The following CASS4 variants were observed in gnomAD, a reference collection of about 807,000 sequenced individuals.
The protein encoded by CASS4 is cas scaffolding protein family member 4.
A neutral mutation model predicts 54.2 loss-of-function variants in CASS4; 22 were observed. The observed-to-expected ratio is 0.41, with a 90% CI of 0.29 to 0.58. The LOEUF is 0.58. CASS4 is among the 20% of genes least tolerant of loss of function. The pLI is 0.36. For missense variants in CASS4, 854 were observed against 986.7 expected (o/e 0.87, Z 1.80); for synonymous variants, 409 against 391.5 (o/e 1.04, Z -0.53).
intron 3 of CASS4, among the ~76,000 whole-genome samples, chr20:56,448,985 A>G (rs1004385908): frequency 6.6e-6 from 1 of 152,180 alleles, no homozygotes; most frequent in Non-Finnish European, 1.5e-5. Flanking sequence ...ATGTGGAGAA[A>G]TAGGAACACT....
chr20:56,437,445 T>C lies in CASS4; in HGVS notation c.318T>C (p.Pro106=), dbSNP rs2146281546. 6.2e-7 allele frequency: 1 copy of C among 1,613,576 alleles called. No individual in the cohort carries two copies. The change falls in exon 2 of 6, where the codon CCT becomes CCC. Residue 106 remains proline, a synonymous_variant. Transcript: ENST00000679887. The surrounding 1 kb of genome is among the most constrained non-coding windows in gnomAD (Gnocchi z 4.7). ...ATCAGGTGCCCACTCTACCCCGCCC[T>C]CCCACTCCAGGCCCCGTTTATGAGC... ...ETYQVPTLPR[P]PTPGPVYEQM...
chr20:56,441,150 G>C (rs1039705098), intron 2 of CASS4, among the ~76,000 whole-genome samples: 1 of 149,154 alleles, frequency 6.7e-6, no homozygotes, highest in Non-Finnish European at 1.5e-5. Flanking sequence ...CACCACGCCT[G>C]GCTAAATTTT....
intron 1 of CASS4, among the ~76,000 whole-genome samples, chr20:56,416,723 A>T (rs1318894309): frequency 6.6e-6 from 1 of 152,102 alleles, no homozygotes; most frequent in Non-Finnish European, 1.5e-5. Context: ...TTTTCTGAGA[A>T]TTTCTGATAT....
At chr20:56,440,820 G>A (rs985208518) in intron 2 of CASS4, among the ~76,000 whole-genome samples, 1 of 152,070 alleles carries the variant, frequency 6.6e-6, no homozygotes, top group South Asian at 2.1e-4. Flanking sequence ...GGAAATTCAG[G>A]GGGGGTCCCT....
At chr20:56,422,105 T>C (rs933018624) in intron 1 of CASS4, among the ~76,000 whole-genome samples, 2 of 152,160 alleles carry the variant, frequency 1.3e-5, no homozygotes, top group Admixed American at 6.5e-5. Context: ...AAGGGTGAAA[T>C]TGTCAGCCCC....
rs375037401 is a variant in CASS4 at position 56,429,654 on chromosome 20, G to A, written c.37-7510G>A. On this transcript the variant is annotated intron_variant, in intron 1 of 5. Coordinates refer to ENST00000679887, the MANE Select transcript of CASS4 (RefSeq NM_020356.4). ...TACTCACACACGCCCCCTCACCCACGCACTCCGGCCTCCACACATTCCTCT... is the reference window on the plus strand; with the variant it reads ...TACTCACACACGCCCCCTCACCCACACACTCCGGCCTCCACACATTCCTCT... Among the ~76,000 whole-genome samples the A allele has an allele frequency of 8.6e-5, 13 of 151,624 alleles. No individual in the cohort carries two copies. In the South Asian group the frequency reaches 2.3e-3, roughly 27 times the overall value.
At chr20:56,421,350 G>T (rs1276428614) in intron 1 of CASS4, among the ~76,000 whole-genome samples, 3 of 152,276 alleles carry the variant, frequency 2.0e-5, no homozygotes, top group Admixed American at 1.3e-4. Context: ...AATTGTAGTG[G>T]CACGTGGATA....
chr20:56,458,777 C>T lies in CASS4; in HGVS notation c.*30C>T, dbSNP rs992637097. ...TGTCTACCTCCCTTCCTCCTCTGCT[C>T]ACCTCTCAGCTTCACACCCACAACT... On this transcript the variant is annotated 3_prime_UTR_variant, in exon 6 of 6. Coordinates refer to ENST00000679887, the MANE Select transcript of CASS4 (RefSeq NM_020356.4). 5.2e-6 allele frequency: 8 copies of T among 1,543,358 alleles called. No homozygotes were observed. Among genetic ancestry groups the T allele is most frequent in the Non-Finnish European group, 7.0e-6 (8 of 1,139,716 alleles).
chr20:56,437,082 C>T lies in CASS4; in HGVS notation c.37-82C>T. 3 of 1,220,344 alleles carry T rather than the reference C, an allele frequency of 2.5e-6. No homozygotes were observed. The highest frequency in any genetic ancestry group is 2.3e-6 in the Non-Finnish European group (2 of 875,790). The allele number at this position is 1,220,344 out of a possible 1,614,324, so 75.6% of individuals were successfully genotyped here. ...AAGGGCATGATGAATTTGTATGAAGCTTTCTAAGAGAGTGGGATTGGAGTA... is the reference window on the plus strand; with the variant it reads ...AAGGGCATGATGAATTTGTATGAAGTTTTCTAAGAGAGTGGGATTGGAGTA... On this transcript the variant is annotated intron_variant, in intron 1 of 5. Coordinates refer to ENST00000679887, the MANE Select transcript of CASS4 (RefSeq NM_020356.4). This position sits in a 1 kb window ranked among gnomAD's most constrained non-coding sequence, Gnocchi z 4.7.
At position 56,437,122 on chromosome 20, in the gene CASS4, C is replaced by G. The variant is rs779403276; in HGVS notation, c.37-42C>G. On this transcript the variant is annotated intron_variant, in intron 1 of 5. Transcript: ENST00000679887. This position sits in a 1 kb window ranked among gnomAD's most constrained non-coding sequence, Gnocchi z 4.7. Reference sequence around the variant, plus strand: ...GGATTGGAGTAGCAGTCACTGGCCACGGTGCTAACTGCAAATTCTCTTCTC... The same window carrying G: ...GGATTGGAGTAGCAGTCACTGGCCAGGGTGCTAACTGCAAATTCTCTTCTC... The G allele has an allele frequency of 6.7e-7, 1 of 1,490,236 alleles. No individual in the cohort carries two copies. The highest frequency in any genetic ancestry group is 1.4e-5 in the African/African-American group (1 of 71,164). The allele number at this position is 1,490,236 out of a possible 1,614,324, so 92.3% of individuals were successfully genotyped here.
At chr20:56,443,219 C>G (rs1033892344) in intron 2 of CASS4, among the ~76,000 whole-genome samples, 2 of 151,314 alleles carry the variant, frequency 1.3e-5, no homozygotes, top group Non-Finnish European at 2.9e-5. Flanking sequence ...CGGTGGCTCA[C>G]GCCTGTAATC....
At chr20:56,429,610 A>T (rs181392797) in intron 1 of CASS4, among the ~76,000 whole-genome samples, 1 of 152,042 alleles carries the variant, frequency 6.6e-6, no homozygotes, top group African/African-American at 2.4e-5. Flanking sequence ...CCCCCAACAC[A>T]TACATACACA....
intron 1 of CASS4, among the ~76,000 whole-genome samples, chr20:56,433,461 G>A (rs1450599650): frequency 6.6e-6 from 1 of 152,154 alleles, no homozygotes; most frequent in African/African-American, 2.4e-5. Flanking sequence ...GATGGTTTGG[G>A]CACAGTTTGG....
intron 1 of CASS4, among the ~76,000 whole-genome samples, chr20:56,422,633 C>G (rs1287346151): frequency 1.3e-5 from 2 of 152,168 alleles, no homozygotes; most frequent in African/African-American, 4.8e-5. Flanking sequence ...TCCTCAAAGC[C>G]CCGTTAGTAG....
chr20:56,453,680 G>A (rs1208846014), intron 5 of CASS4: 1 of 153,346 alleles, frequency 6.5e-6, no homozygotes, highest in African/African-American at 2.4e-5. Flanking sequence ...CTTGAGGCAG[G>A]AGTTTGAGAC....
In CASS4 at chr20:56,412,313, T is replaced by C; in HGVS notation, c.-146T>C. The C allele has an allele frequency of 1.2e-6, 1 of 861,156 alleles. No individual in the cohort carries two copies. Among genetic ancestry groups the C allele is most frequent in the Non-Finnish European group, 1.8e-6 (1 of 544,558 alleles). 53.3% of individuals were successfully genotyped at this position (861,156 alleles called of 1,614,324 possible). On this transcript the variant is annotated 5_prime_UTR_variant, in exon 1 of 6. Coordinates refer to ENST00000679887, the MANE Select transcript of CASS4 (RefSeq NM_020356.4). The surrounding 1 kb of genome is among the most constrained non-coding windows in gnomAD (Gnocchi z 4.2). ...AGTTTGCCTGCTGGGAGAGTCTTTT[T>C]GATCGTTTCCCATGTGTTGTCAGAT... is the stretch of plus-strand genomic sequence containing the variant.
At chr20:56,441,397 G>A (rs891796428) in intron 2 of CASS4, among the ~76,000 whole-genome samples, 10 of 150,912 alleles carry the variant, frequency 6.6e-5, no homozygotes, top group African/African-American at 2.4e-4. Context: ...CTGAGGTCAG[G>A]AGTTTGAGAC....
chr20:56,412,130 C>G, upstream of CASS4: 46 of 302,830 alleles, frequency 1.5e-4, no homozygotes, highest in East Asian at 2.8e-4. The surrounding 1 kb of genome is among the most constrained non-coding windows in gnomAD (Gnocchi z 4.2). Flanking sequence ...GTGTTTTTTT[C>G]TTCTTCTTCT....
At position 56,429,088 on chromosome 20, in the gene CASS4, G is replaced by C. The variant is rs886397389; in HGVS notation, c.37-8076G>C. Among the ~76,000 whole-genome samples, 5 of 152,370 alleles carry C rather than the reference G, an allele frequency of 3.3e-5. No individual in the cohort carries two copies. In the East Asian group the frequency reaches 9.6e-4, roughly 29 times the overall value. On this transcript the variant is annotated intron_variant, in intron 1 of 5. Transcript: ENST00000679887. ...TGTGTCCACCCCGGCCTAGAGAGGGGATTTCCATCCCAGGAACAGGGACAA... is the reference window on the plus strand; with the variant it reads ...TGTGTCCACCCCGGCCTAGAGAGGGCATTTCCATCCCAGGAACAGGGACAA...
Sources: gnomAD v4.1 joint callset for allele counts (sites outside exome capture counted in the v4.1 genomes callset) on GRCh38, gnomAD v4.1.1 for gene constraint, Gnocchi (gnomAD v3.1) non-coding constraint, MANE v1.5 for transcripts, NCBI Gene and HGNC (gene_info 2026-07-23, HGNC 2026-07-21) for gene names.